The following PKLR variants were observed in gnomAD, a reference collection of about 807,000 sequenced individuals.
PKLR encodes the protein pyruvate kinase PKLR.
A neutral mutation model predicts 53.6 loss-of-function variants in PKLR; 38 were observed. The ratio of observed to expected loss-of-function variants is 0.71; its 90% CI spans 0.55 to 0.93. The LOEUF is 0.93. Among genes scored for constraint, PKLR ranks in the 40% least tolerant of loss-of-function variants. PKLR has a pLI of 0.00. For missense variants in PKLR, 702 were observed against 787.3 expected, an observed-to-expected ratio of 0.89 and a Z score of 1.30; for synonymous variants, 328 against 316.2, an observed-to-expected ratio of 1.04 and a Z score of -0.39.
At chr1:155,305,818 T>C (rs1648218336), upstream of PKLR, among the ~76,000 whole-genome samples, 1 of 132,132 alleles carries the variant, frequency 7.6e-6, no homozygotes, top group Non-Finnish European at 1.6e-5. Context: ...TTTTTTTTGG[T>C]ATTTTCTGTA....
In PKLR at chr1:155,293,211, C is replaced by T; in HGVS notation, c.1402G>A (p.Ala468Thr). The T allele has an allele frequency of 3.7e-6, 6 of 1,614,160 alleles. No individual in the cohort carries two copies. Among genetic ancestry groups the T allele is most frequent in the Non-Finnish European group, 5.1e-6 (6 of 1,180,036 alleles). Residue 468 changes from alanine (A) to threonine (T), a missense_variant, in exon 9 of 11, where the codon GCT (alanine) becomes ACT (threonine). Ala to Thr is a moderately conservative substitution (Grantham distance 58). Transcript: ENST00000342741. The surrounding 1 kb of genome is among the most constrained non-coding windows in gnomAD (Gnocchi z 4.2). ...GTGGTCAGCACAATGATGGCAGCAG[C>T]ACAGCACTTGAAGGCAGCCTCCACA... ...GAVEAAFKCC[A>T]AAIIVLTTTG...
intron 2 of PKLR, among the ~76,000 whole-genome samples, chr1:155,296,227 G>A (rs1001620482): frequency 3.3e-5 from 5 of 152,088 alleles, no homozygotes; most frequent in African/African-American, 1.2e-4. Context: ...CTCATTCTTC[G>A]GTCCCTATCT....
chr1:155,301,094 C>T (rs1466928265), intron 1 of PKLR: 13 of 1,466,956 alleles, frequency 8.9e-6, no homozygotes, highest in Non-Finnish European at 1.2e-5. Context: ...CATGCTGTGG[C>T]TCTGGCCTGC....
In PKLR at chr1:155,289,716, A is replaced by T. The variant is rs1257644811; in HGVS notation, c.*856T>A. The T allele has an allele frequency of 6.6e-6, 1 of 152,276 alleles. No individual in the cohort carries two copies. Among genetic ancestry groups the T allele is most frequent in the Non-Finnish European group, 1.5e-5 (1 of 68,060 alleles). 9.4% of individuals were successfully genotyped at this position (152,276 alleles called of 1,614,324 possible). ...CCTGTCCCCTCTCCTACTCTACAGC[A>T]TTAAAGACTGTGGGACCAGGACCCT... On this transcript the variant is annotated 3_prime_UTR_variant, in exon 11 of 11. Coordinates refer to ENST00000342741, the MANE Select transcript of PKLR (RefSeq NM_000298.6).
chr1:155,295,860 T>C lies in PKLR; in HGVS notation c.284-104A>G. On this transcript the variant is annotated intron_variant, in intron 2 of 10. Coordinates refer to ENST00000342741, the MANE Select transcript of PKLR (RefSeq NM_000298.6). This position sits in a 1 kb window ranked among gnomAD's most constrained non-coding sequence, Gnocchi z 4.3. ...AGAACGCCTCACGCCACAGGCGTCC[T>C]GTTACCTGATCTTTATTCCCTGATG... The C allele has an allele frequency of 2.2e-6, 2 of 927,724 alleles. No homozygotes were observed. The highest frequency in any genetic ancestry group is 3.7e-5 in the Admixed American group (2 of 53,844). 57.5% of individuals were successfully genotyped at this position (927,724 alleles called of 1,614,324 possible).
In PKLR at chr1:155,291,823, G is replaced by A; in HGVS notation, c.1551C>T (p.Tyr517=). The A allele has an allele frequency of 1.2e-6, 2 of 1,614,170 alleles. No homozygotes were observed. Among genetic ancestry groups the A allele is most frequent in the Non-Finnish European group, 1.7e-6 (2 of 1,180,000 alleles). The change falls in exon 10 of 11, where the codon TAC becomes TAT. Residue 517 remains tyrosine (Y), a synonymous_variant. Coordinates refer to ENST00000342741, the MANE Select transcript of PKLR (RefSeq NM_000298.6). ...CCCAGATGGCTTCTGGAGGTTCACG[G>A]TAAAGCAAGGGGAAGACTCCTCGGC... ...HLCRGVFPLL[Y]REPPEAIWAD... is the part of the protein sequence containing the mutation.
Position 155,293,555 on chromosome 1 carries a change from C to CG in PKLR, c.1151dup (p.Arg385GlufsTer16). 6.2e-7 allele frequency: 1 copy of CG among 1,614,192 alleles called. No homozygotes were observed. The highest frequency in any genetic ancestry group is 8.5e-7 in the Non-Finnish European group (1 of 1,180,020). On this transcript the variant is annotated frameshift_variant, in exon 8 of 11. Transcript: ENST00000342741. LOFTEE classifies it high-confidence loss of function. This position sits in a 1 kb window ranked among gnomAD's most constrained non-coding sequence, Gnocchi z 4.2. ...TGGCGACATCGCTTGTCTCTGCCCT[C>CG]GTTGGCCGGGGCTTGGTAATCATGC...
rs1203831120 is a variant in PKLR at position 155,293,377 on chromosome 1, C to T, written c.1270-34G>A. 4.3e-6 allele frequency: 7 copies of T among 1,614,194 alleles called. No individual in the cohort carries two copies. Among genetic ancestry groups the T allele is most frequent in the Non-Finnish European group, 5.9e-6 (7 of 1,180,008 alleles). Reference sequence around the variant, plus strand: ...GCCAGAATGTTAGTCTGGGAAGGGGCACTGGGGTATGGAAGGGATTTGGTT... The same window carrying T: ...GCCAGAATGTTAGTCTGGGAAGGGGTACTGGGGTATGGAAGGGATTTGGTT... On this transcript the variant is annotated intron_variant, in intron 8 of 10. Coordinates refer to ENST00000342741, the MANE Select transcript of PKLR (RefSeq NM_000298.6). This position sits in a 1 kb window ranked among gnomAD's most constrained non-coding sequence, Gnocchi z 4.2.
chr1:155,294,208 G>T, intron 7 of PKLR, 27 bp downstream of exon 7: 2 of 1,613,662 alleles, frequency 1.2e-6, no homozygotes, highest in Admixed American at 1.7e-5. Context: ...CCCACAGAGT[G>T]CCGAACCTCA....
chr1:155,294,957 G>C (rs1647473531), intron 5 of PKLR, among the ~76,000 whole-genome samples, 159 bp downstream of exon 5: 1 of 151,966 alleles, frequency 6.6e-6, no homozygotes, highest in Admixed American at 6.6e-5. Flanking sequence ...CCAAACCCAG[G>C]GTGAGCGCAG....
chr1:155,303,506 A>G (rs1197146611), upstream of PKLR, among the ~76,000 whole-genome samples: 1 of 152,264 alleles, frequency 6.6e-6, no homozygotes, highest in Non-Finnish European at 1.5e-5. Flanking sequence ...GAGACAGACT[A>G]TCAACAAGTA....
At chr1:155,294,778 C>A (rs752013162) in intron 5 of PKLR, 26 bp from the exon 6 acceptor site, 3 of 1,613,420 alleles carry the variant, frequency 1.9e-6, no homozygotes, top group Non-Finnish European at 2.5e-6. Flanking sequence ...GAGCCAGCTG[C>A]GGTCAGGGGT....
upstream of PKLR, among the ~76,000 whole-genome samples, chr1:155,303,244 T>C (rs941937621): frequency 1.3e-5 from 2 of 152,236 alleles, no homozygotes; most frequent in Non-Finnish European, 2.9e-5. Context: ...GTTTGGGGCA[T>C]CCTTTGTGAG....
chr1:155,296,157 G>T (rs936202165), intron 2 of PKLR, among the ~76,000 whole-genome samples: 6 of 152,136 alleles, frequency 3.9e-5, no homozygotes, highest in African/African-American at 1.4e-4. Context: ...ACTGAGGAGA[G>T]CTGAGTTCTA....
chr1:155,298,594 T>C (rs572435777), intron 2 of PKLR, among the ~76,000 whole-genome samples: 1 of 152,046 alleles, frequency 6.6e-6, no homozygotes, highest in South Asian at 2.1e-4. Flanking sequence ...CCCAAAGTGC[T>C]GGGATTACAG....
chr1:155,295,011 G>C lies in PKLR; in HGVS notation c.694+105C>G, dbSNP rs1469315447. The C allele has an allele frequency of 7.6e-7, 1 of 1,321,660 alleles. No individual in the cohort carries two copies. The highest frequency in any genetic ancestry group is 1.2e-5 in the South Asian group (1 of 80,982). 81.9% of individuals were successfully genotyped at this position (1,321,660 alleles called of 1,614,324 possible). A position where few individuals can be genotyped will look rare whatever the true frequency, so the allele number is the denominator to read the frequency against. ...TCCTGGGACGGGCTGGCAAAAACGC[G>C]TGGCCAGGGGAAGGTGTGATCGGTC... On this transcript the variant is annotated intron_variant, in intron 5 of 10. Coordinates refer to ENST00000342741, the MANE Select transcript of PKLR (RefSeq NM_000298.6). The surrounding 1 kb of genome is among the most constrained non-coding windows in gnomAD (Gnocchi z 4.3).
rs773628430 is a variant in PKLR at position 155,290,642 on chromosome 1, A to G, written c.1655T>C (p.Val552Ala). ...LRGFLRVGDLVIVVTGWRPGS... is the reference protein window; with the variant it reads ...LRGFLRVGDLAIVVTGWRPGS... ...AGGTCGCCAGCCTGTCACCACAATC[A>G]CCAGGTCTCCAACACGGAGGAAGCC... is the stretch of plus-strand genomic sequence containing the variant. The change falls in exon 11 of 11, where the codon GTG (valine) becomes GCG (alanine). Residue 552 changes from valine (V) to alanine (A), a missense_variant. Coordinates refer to ENST00000342741, the MANE Select transcript of PKLR (RefSeq NM_000298.6). 1.3e-5 allele frequency: 21 copies of G among 1,613,400 alleles called. No homozygotes were observed. The Admixed American group carries it at 1.5e-4, about 12-fold the overall frequency.
At chr1:155,291,030 AT>A (rs1674515228) in intron 10 of PKLR, among the ~76,000 whole-genome samples, 1 of 119,136 alleles carries the variant, frequency 8.4e-6, no homozygotes, top group Non-Finnish European at 1.7e-5. Context: ...AATAATAATA[AT>A]AATAATAATA....
At position 155,299,491 on chromosome 1, in the gene PKLR, C is replaced by CTTTTTTT. The variant is rs35869567; in HGVS notation, c.283+600_283+606dup. On this transcript the variant is annotated intron_variant, in intron 2 of 10. Transcript: ENST00000342741. ...GGCATGAGCCACTGAGCCCAGCCCA[C>CTTTTTTT]TTTTTTTTTTTTTTTTTTTTTTTTT... 4.2e-4 allele frequency among the ~76,000 whole-genome samples: 18 copies of CTTTTTTT among 42,762 alleles called. 1 individual carries two copies. The highest frequency in any genetic ancestry group is 1.7e-3 in the African/African-American group (17 of 9,878). 28.1% of individuals were successfully genotyped at this position (42,762 alleles called of 152,430 possible). A position where few individuals can be genotyped will look rare whatever the true frequency, so the allele number is the denominator to read the frequency against.
Sources: allele counts gnomAD v4.1 joint callset (sites outside exome capture counted in the v4.1 genomes callset), GRCh38; gene constraint gnomAD v4.1.1; non-coding constraint Gnocchi (gnomAD v3.1); transcripts MANE v1.5; gene names NCBI Gene and HGNC (gene_info 2026-07-23, HGNC 2026-07-21).